Variants in FHIT observed in about 807,000 individuals in gnomAD.
FHIT encodes the protein bis(5'-adenosyl)-triphosphatase.
Under a neutral mutation model 17.9 loss-of-function variants are expected in FHIT, and 19 were observed. The observed-to-expected ratio is 1.06, with a 90% confidence interval of 0.74 to 1.56. The LOEUF is 1.56. Ranked by LOEUF, FHIT falls within the 40% of genes most tolerant of loss-of-function variation. The probability of loss-of-function intolerance (pLI) is 0.00; values close to 1 mark genes in which losing one functional copy is unlikely to be tolerated. For synonymous variants in FHIT, 81 were observed against 69.7 expected (o/e 1.16, Z -0.81); for missense variants, 248 against 189.2 (o/e 1.31, Z -1.82).
At chr3:59,934,878 G>A (rs527349248) in intron 7 of FHIT, among the ~76,000 whole-genome samples, 3 of 152,134 alleles carry the variant, frequency 2.0e-5, no homozygotes, top group Non-Finnish European at 4.4e-5. Context: ...CATGACACAT[G>A]GGGATTATGG....
intron 5 of FHIT, among the ~76,000 whole-genome samples, chr3:60,403,170 T>C (rs759196200): frequency 1.1e-4 from 16 of 152,154 alleles, no homozygotes; most frequent in East Asian, 1.9e-4. Context: ...AAAAGCAGCA[T>C]TGAAATAACC....
chr3:60,508,423 T>G (rs1273528013), intron 5 of FHIT, among the ~76,000 whole-genome samples: 1 of 152,156 alleles, frequency 6.6e-6, no homozygotes, highest in Non-Finnish European at 1.5e-5. Context: ...TAATTTCAAC[T>G]CCCTGCCACC....
intron 5 of FHIT, among the ~76,000 whole-genome samples, chr3:60,406,108 T>C (rs1187337509): frequency 1.3e-5 from 2 of 152,228 alleles, no homozygotes; most frequent in African/African-American, 2.4e-5. Flanking sequence ...GGTACTATGC[T>C]AAACATCTTT....
At position 60,672,874 on chromosome 3, in the gene FHIT, C is replaced by CAT. The variant is rs71092628; in HGVS notation, c.-17-135896_-17-135895insAT. On this transcript the variant is annotated intron_variant, in intron 4 of 9. Coordinates refer to ENST00000492590, the MANE Select transcript of FHIT (RefSeq NM_002012.4). ...GGTTTTTAATTATACCTCTTTGTAG[C>CAT]GTGTGTGTGTGTGTGTGTGTGTGTG... Among the ~76,000 whole-genome samples, 628 of 139,554 alleles carry CAT rather than the reference C, an allele frequency of 4.5e-3. 4 individuals are homozygous for CAT. Among genetic ancestry groups the CAT allele is most frequent in the South Asian group, 0.012 (51 of 4,206 alleles). The allele number at this position is 139,554 out of a possible 152,430, so 91.6% of individuals were successfully genotyped here.
intron 3 of FHIT, among the ~76,000 whole-genome samples, chr3:60,962,167 A>T (rs188829426): frequency 6.6e-6 from 1 of 152,248 alleles, no homozygotes; most frequent in East Asian, 1.9e-4. Context: ...TTGGATTCCT[A>T]GGTATTTTAT....
intron 3 of FHIT, among the ~76,000 whole-genome samples, chr3:61,011,834 C>T (rs1244325724): frequency 4.6e-5 from 7 of 152,090 alleles, no homozygotes; most frequent in Non-Finnish European, 2.9e-5. Context: ...CTCTCAGGAG[C>T]AGACTCACTG....
chr3:60,913,558 C>G (rs1450168330), intron 3 of FHIT, among the ~76,000 whole-genome samples: 1 of 152,180 alleles, frequency 6.6e-6, no homozygotes, highest in African/African-American at 2.4e-5. Context: ...ACTGCTTATC[C>G]CACTTTGGGT....
intron 5 of FHIT, among the ~76,000 whole-genome samples, chr3:60,355,490 A>C (rs1181584960): frequency 6.6e-6 from 1 of 152,202 alleles, no homozygotes; most frequent in African/African-American, 2.4e-5. Flanking sequence ...AAAAAAAAGC[A>C]AAGCAAGAAA....
chr3:60,819,331 T>C (rs553910219), intron 4 of FHIT, among the ~76,000 whole-genome samples: 54 of 152,296 alleles, frequency 3.5e-4, no homozygotes, highest in African/African-American at 1.2e-3. Context: ...CAGCATAAAG[T>C]TAAATGATAG....
intron 4 of FHIT, among the ~76,000 whole-genome samples, chr3:60,591,456 T>C (rs750839118): frequency 2.0e-5 from 3 of 152,046 alleles, no homozygotes; most frequent in Non-Finnish European, 4.4e-5. Flanking sequence ...GAGCAGGAGC[T>C]AGTTCCAAGC....
intron 9 of FHIT, chr3:59,750,582 C>T (rs977311679): frequency 2.7e-5 from 6 of 224,956 alleles, no homozygotes; most frequent in African/African-American, 1.3e-4. Flanking sequence ...ATAGCACTTG[C>T]CATATCCCCC....
At chr3:60,927,521 C>A (rs1418501653) in intron 3 of FHIT, among the ~76,000 whole-genome samples, 1 of 152,002 alleles carries the variant, frequency 6.6e-6, no homozygotes, top group African/African-American at 2.4e-5. Flanking sequence ...CTGGCCTTCA[C>A]CCCGTGTAGG....
chr3:60,488,446 T>C (rs927164029), intron 5 of FHIT, among the ~76,000 whole-genome samples: 3 of 152,158 alleles, frequency 2.0e-5, no homozygotes, highest in Non-Finnish European at 2.9e-5. Flanking sequence ...CAACAGTCAC[T>C]GTAGGACTAT....
chr3:60,112,041 C>T (rs1373371170), intron 5 of FHIT, among the ~76,000 whole-genome samples: 1 of 152,184 alleles, frequency 6.6e-6, no homozygotes, highest in Admixed American at 6.5e-5. Flanking sequence ...GTCTCACACA[C>T]TAAGATAAGT....
chr3:61,079,968 T>C (rs1416573913), intron 2 of FHIT, among the ~76,000 whole-genome samples: 1 of 152,162 alleles, frequency 6.6e-6, no homozygotes, highest in Non-Finnish European at 1.5e-5. Context: ...TATCAATAAA[T>C]GTCATTTAAA....
intron 4 of FHIT, among the ~76,000 whole-genome samples, chr3:60,629,400 C>T (rs955199217): frequency 6.6e-6 from 1 of 152,148 alleles, no homozygotes; most frequent in Non-Finnish European, 1.5e-5. Context: ...TTTCCAGAGA[C>T]TTTAAATGAG....
At chr3:59,804,936 A>G (rs1027416564) in intron 8 of FHIT, among the ~76,000 whole-genome samples, 5 of 152,088 alleles carry the variant, frequency 3.3e-5, no homozygotes, top group Admixed American at 6.6e-5. Flanking sequence ...CTCTCTCGAG[A>G]CAGGTACCTG....
chr3:59,975,357 A>C (rs1708363161), intron 7 of FHIT, among the ~76,000 whole-genome samples: 1 of 152,062 alleles, frequency 6.6e-6, no homozygotes, highest in African/African-American at 2.4e-5. Context: ...GCTACCTCTA[A>C]AAGGGAGATG....
intron 4 of FHIT, among the ~76,000 whole-genome samples, chr3:60,662,999 C>T (rs1471597106): frequency 6.6e-6 from 1 of 151,260 alleles, no homozygotes; most frequent in Admixed American, 6.6e-5. Context: ...GGACTTCCTT[C>T]ATTAAGTTGC....
Sources: allele counts gnomAD v4.1 joint callset (sites outside exome capture counted in the v4.1 genomes callset), GRCh38; gene constraint gnomAD v4.1.1; transcripts MANE v1.5; gene names NCBI Gene and HGNC (gene_info 2026-07-23, HGNC 2026-07-21).